The following RPGRIP1L variants were observed in gnomAD, a reference collection of about 807,000 sequenced individuals.
RPGRIP1L encodes protein fantom.
RPGRIP1L carries 131 observed loss-of-function variants against 160.4 expected under a neutral mutation model. That is an observed-to-expected ratio of 0.82 (90% CI 0.71 to 0.94). RPGRIP1L has a LOEUF of 0.94. Among genes scored for constraint, RPGRIP1L ranks in the 40% least tolerant of loss-of-function variants. The probability of loss-of-function intolerance (pLI) is 0.00; values close to 1 mark genes in which losing one functional copy is unlikely to be tolerated. For missense variants in RPGRIP1L, 1,522 were observed against 1,535.8 expected, an observed-to-expected ratio of 0.99 and a Z score of 0.15; for synonymous variants, 510 against 515.8, an observed-to-expected ratio of 0.99 and a Z score of 0.15.
chr16:53,622,844 C>CACAT lies in RPGRIP1L; in HGVS notation c.3295-489_3295-488insATGT, dbSNP rs1180456511. On this transcript the variant is annotated intron_variant, in intron 22 of 26. Coordinates refer to ENST00000647211, the MANE Select transcript of RPGRIP1L (RefSeq NM_015272.5). The stretch of plus-strand genomic sequence containing the variant: ...ACACACACACACACACACACACACA[C>CACAT]AAATAGCCAGGCCTTGGAGTGGCAT... Among the ~76,000 whole-genome samples, 19 of 132,410 alleles carry CACAT rather than the reference C, an allele frequency of 1.4e-4. 1 individual carries two copies. Among genetic ancestry groups the CACAT allele is most frequent in the African/African-American group, 4.1e-4 (16 of 38,588 alleles). The allele number at this position is 132,410 out of a possible 152,430, so 86.9% of individuals were successfully genotyped here.
At chr16:53,605,989 T>C (rs1963657902) in intron 25 of RPGRIP1L, among the ~76,000 whole-genome samples, 1 of 152,188 alleles carries the variant, frequency 6.6e-6, no homozygotes, top group African/African-American at 2.4e-5. Context: ...GGTTAAATGG[T>C]CAGCATTTTC....
chr16:53,645,503 C>G (rs1598309018), intron 17 of RPGRIP1L, 122 bp downstream of exon 17: 1 of 822,828 alleles, frequency 1.2e-6, no homozygotes, highest in African/African-American at 1.7e-5. Context: ...GTAATATAGG[C>G]CTAAAGTTTA....
intron 10 of RPGRIP1L, among the ~76,000 whole-genome samples, chr16:53,660,708 AC>A (rs1395817172): frequency 6.6e-6 from 1 of 151,722 alleles, no homozygotes; most frequent in Non-Finnish European, 1.5e-5. Context: ...AGCCTGACCA[AC>A]ATGGTGAACC....
intron 25 of RPGRIP1L, among the ~76,000 whole-genome samples, chr16:53,609,726 A>G (rs938612722): frequency 6.6e-6 from 1 of 152,068 alleles, no homozygotes; most frequent in Non-Finnish European, 1.5e-5. Flanking sequence ...ATGACCTGGG[A>G]TAACCCTGGG....
At chr16:53,642,287 T>C (rs1966271547) in intron 17 of RPGRIP1L, among the ~76,000 whole-genome samples, 1 of 152,138 alleles carries the variant, frequency 6.6e-6, no homozygotes, top group Non-Finnish European at 1.5e-5. Context: ...CTTGAACTCC[T>C]GGCCTCAAGC....
At chr16:53,672,830 G>T (rs923843608) in intron 8 of RPGRIP1L, 40 bp downstream of exon 8, 3 of 1,579,396 alleles carry the variant, frequency 1.9e-6, no homozygotes, top group Non-Finnish European at 2.6e-6. Flanking sequence ...TTACCAAGAA[G>T]TTGTAATGCA....
chr16:53,603,684 G>GTA (rs1567787181), intron 26 of RPGRIP1L, among the ~76,000 whole-genome samples: 1 of 128,746 alleles, frequency 7.8e-6, no homozygotes, highest in Non-Finnish European at 1.6e-5. Context: ...ATGTGTGTGT[G>GTA]TGTGTGTGTG....
chr16:53,620,899 C>G (rs1598246607), intron 23 of RPGRIP1L, among the ~76,000 whole-genome samples: 2 of 152,156 alleles, frequency 1.3e-5, no homozygotes, highest in South Asian at 4.1e-4. Flanking sequence ...TCTGCTCCAA[C>G]TGTAGCATAA....
chr16:53,619,803 T>C (rs988733462), intron 23 of RPGRIP1L, among the ~76,000 whole-genome samples: 1 of 152,180 alleles, frequency 6.6e-6, no homozygotes, highest in African/African-American at 2.4e-5. Context: ...AATTTGAACA[T>C]TTTCTCATAA....
In RPGRIP1L at chr16:53,662,474, A is replaced by G. The variant is rs540828216; in HGVS notation, c.1243+2396T>C. 2.0e-5 allele frequency among the ~76,000 whole-genome samples: 3 copies of G among 152,296 alleles called. No individual in the cohort carries two copies. The East Asian group carries it at 5.8e-4, about 29-fold the overall frequency. On this transcript the variant is annotated intron_variant, in intron 10 of 26. Transcript: ENST00000647211. The stretch of plus-strand genomic sequence containing the variant: ...TAATTTGCCAGTTAGATGAATGACT[A>G]CAAGAAGCCAGGGAAACATCTTCTG...
chr16:53,602,297 T>A, intron 26 of RPGRIP1L, 109 bp from the exon 27 acceptor site: 1 of 761,622 alleles, frequency 1.3e-6, no homozygotes, highest in South Asian at 1.5e-5. Context: ...TCTACAGAAG[T>A]CCAAAGTTCA....
At chr16:53,626,516 G>A (rs1217091559) in intron 22 of RPGRIP1L, among the ~76,000 whole-genome samples, 2 of 151,994 alleles carry the variant, frequency 1.3e-5, no homozygotes, top group Admixed American at 1.3e-4. Flanking sequence ...TATAAATTTT[G>A]ATTGTGGGCT....
intron 26 of RPGRIP1L, 65 bp from the exon 27 acceptor site, chr16:53,602,253 A>T (rs1963416246): frequency 9.8e-7 from 1 of 1,015,536 alleles, no homozygotes; most frequent in Admixed American, 1.8e-5. Context: ...AAAGGCTCGC[A>T]GACAGAAACA....
chr16:53,622,465 C>A, intron 22 of RPGRIP1L, 109 bp from the exon 23 acceptor site: 1 of 527,756 alleles, frequency 1.9e-6, no homozygotes, highest in East Asian at 3.1e-5. Context: ...CTCCTCTCCC[C>A]CAATCCTATT....
intron 24 of RPGRIP1L, among the ~76,000 whole-genome samples, chr16:53,617,766 T>C (rs995627558): frequency 9.2e-5 from 14 of 152,106 alleles, no homozygotes; most frequent in Admixed American, 6.5e-5. Context: ...TCTTGAGGAA[T>C]GAACGTATTT....
rs1233414555 is a variant in RPGRIP1L, at chr16:53,600,589, A to G, written c.*1487T>C. ...TACGGATGTCATTTCAAAGCCTTCT[A>G]AAGACGAGAGTCATTATTGAAGCCA... On this transcript the variant is annotated 3_prime_UTR_variant, in exon 27 of 27. Transcript: ENST00000647211. 1.3e-5 allele frequency: 2 copies of G among 152,658 alleles called. No homozygotes were observed. The highest frequency in any genetic ancestry group is 4.8e-5 in the African/African-American group (2 of 41,468). The allele number at this position is 152,658 out of a possible 1,614,324, so 9.5% of individuals were successfully genotyped here. A position where few individuals can be genotyped will look rare whatever the true frequency, so the allele number is the denominator to read the frequency against.
At chr16:53,697,774 C>T (rs1425769299) in intron 2 of RPGRIP1L, among the ~76,000 whole-genome samples, 7 of 152,050 alleles carry the variant, frequency 4.6e-5, no homozygotes, top group South Asian at 4.1e-4. Context: ...AGCCTCTGCC[C>T]GGCCGCCACC....
intron 10 of RPGRIP1L, among the ~76,000 whole-genome samples, chr16:53,662,978 T>C (rs1967932011): frequency 2.0e-5 from 3 of 152,150 alleles, no homozygotes; most frequent in East Asian, 1.9e-4. Flanking sequence ...TTATAAATGA[T>C]TGTGATGTAG....
chr16:53,686,338 A>G, intron 6 of RPGRIP1L, 95 bp downstream of exon 6: 1 of 1,303,534 alleles, frequency 7.7e-7, no homozygotes, highest in Non-Finnish European at 1.1e-6. Context: ...CATGATTTTT[A>G]AATAGACTAG....
Sources: allele counts gnomAD v4.1 joint callset (sites outside exome capture counted in the v4.1 genomes callset), GRCh38; gene constraint gnomAD v4.1.1; transcripts MANE v1.5; gene names NCBI Gene and HGNC (gene_info 2026-07-23, HGNC 2026-07-21).